Variants in SYT16 observed in about 807,000 individuals in gnomAD.
SYT16 encodes synaptotagmin 16, also known as synaptotagmin-16.
Under a neutral mutation model 61.4 loss-of-function variants are expected in SYT16, and 42 were observed. That is an observed-to-expected ratio of 0.68 (90% confidence interval 0.53 to 0.89). SYT16 has a LOEUF of 0.89. SYT16 is among the 40% of genes least tolerant of loss of function. The probability of loss-of-function intolerance (pLI) is 0.00; values close to 1 mark genes in which losing one functional copy is unlikely to be tolerated. For synonymous variants in SYT16, 314 were observed against 302.3 expected, an observed-to-expected ratio of 1.04 and a Z score of -0.40; for missense variants, 804 against 807.3, an observed-to-expected ratio of 1.00 and a Z score of 0.05.
intron 2 of SYT16, among the ~76,000 whole-genome samples, chr14:61,976,964 C>A (rs1019542317): frequency 1.1e-4 from 17 of 151,900 alleles, no homozygotes; most frequent in African/African-American, 4.1e-4. Flanking sequence ...CAGATAATTT[C>A]TCTCAAGTTC....
At chr14:61,910,721 GTTTCA>G (rs1309621739) in intron 1 of SYT16, among the ~76,000 whole-genome samples, 1 of 151,682 alleles carries the variant, frequency 6.6e-6, no homozygotes, top group Non-Finnish European at 1.5e-5. Context: ...TAGAGACAGG[GTTTCA>G]CTATGTTGGC....
At chr14:62,072,733 G>A (rs7153304) in intron 4 of SYT16, among the ~76,000 whole-genome samples, 76,897 of 152,026 alleles carry the variant, frequency 0.51, 22,376 homozygotes, top group African/African-American at 0.82. Context: ...CCAAGTTGAC[G>A]CATAAAACTT....
intron 3 of SYT16, among the ~76,000 whole-genome samples, chr14:62,008,691 G>A (rs2053323717): frequency 7.4e-6 from 1 of 135,592 alleles, no homozygotes; most frequent in Non-Finnish European, 1.6e-5. Context: ...ACATAATTTT[G>A]CATGTTTTAA....
chr14:61,999,039 T>A (rs957056151), intron 3 of SYT16, among the ~76,000 whole-genome samples: 2 of 151,906 alleles, frequency 1.3e-5, no homozygotes, highest in Non-Finnish European at 2.9e-5. Flanking sequence ...TATTACTGGA[T>A]TTGATTTGTT....
At chr14:61,890,213 C>T (rs557234717) in intron 1 of SYT16, among the ~76,000 whole-genome samples, 1 of 152,228 alleles carries the variant, frequency 6.6e-6, no homozygotes, top group Admixed American at 6.5e-5. Context: ...AGCTTCTGGG[C>T]TGTGGGTAGT....
At chr14:61,825,489 T>C (rs1292498011) in intron 1 of SYT16, among the ~76,000 whole-genome samples, 3 of 152,152 alleles carry the variant, frequency 2.0e-5, no homozygotes, top group Non-Finnish European at 4.4e-5. Flanking sequence ...GAGACCAGCC[T>C]GGGCCACATA....
At chr14:61,929,148 T>G (rs1276797830) in intron 1 of SYT16, among the ~76,000 whole-genome samples, 1 of 152,196 alleles carries the variant, frequency 6.6e-6, no homozygotes, top group Non-Finnish European at 1.5e-5. Flanking sequence ...TCAGGCTGTT[T>G]TGATGTAGTC....
chr14:61,889,170 A>G (rs565765749), intron 1 of SYT16, among the ~76,000 whole-genome samples: 14 of 152,334 alleles, frequency 9.2e-5, no homozygotes, highest in Admixed American at 6.5e-4. Flanking sequence ...TCTGACTCCA[A>G]CAAGGACAAG....
At chr14:61,836,744 C>T (rs544243936) in intron 1 of SYT16, among the ~76,000 whole-genome samples, 30 of 152,246 alleles carry the variant, frequency 2.0e-4, no homozygotes, top group Admixed American at 1.1e-3. Flanking sequence ...ATGAGAGGGC[C>T]GGGGAAACAA....
intron 1 of SYT16, among the ~76,000 whole-genome samples, chr14:61,967,236 A>C (rs1329694406): frequency 6.6e-6 from 1 of 152,206 alleles, no homozygotes; most frequent in Non-Finnish European, 1.5e-5. Flanking sequence ...TTGATGTTGG[A>C]GAATGATGAG....
intron 2 of SYT16, among the ~76,000 whole-genome samples, chr14:61,980,023 C>T (rs545431183): frequency 6.6e-6 from 1 of 152,190 alleles, no homozygotes; most frequent in African/African-American, 2.4e-5. Context: ...CTTCTACATT[C>T]CCCAAGCCCT....
intron 2 of SYT16, among the ~76,000 whole-genome samples, chr14:61,982,044 A>G (rs1488057471): frequency 6.6e-6 from 1 of 152,210 alleles, no homozygotes; most frequent in East Asian, 1.9e-4. Flanking sequence ...TCACTTTACC[A>G]ATGACTGTGT....
intron 1 of SYT16, among the ~76,000 whole-genome samples, chr14:61,859,175 C>T (rs1033495853): frequency 2.6e-5 from 4 of 152,042 alleles, no homozygotes; most frequent in Non-Finnish European, 5.9e-5. Context: ...AAATCATTTT[C>T]TAACAAAGAG....
chr14:61,835,479 CA>C (rs2046098234), intron 1 of SYT16, among the ~76,000 whole-genome samples: 2 of 151,704 alleles, frequency 1.3e-5, no homozygotes, highest in Admixed American at 1.3e-4. Context: ...AGGCTGGTCT[CA>C]AACTCCCGAC....
chr14:61,846,350 G>A (rs2046445590), intron 1 of SYT16, among the ~76,000 whole-genome samples: 1 of 152,090 alleles, frequency 6.6e-6, no homozygotes, highest in South Asian at 2.1e-4. Context: ...AGTGTTGGGT[G>A]CATATGTATT....
At chr14:62,008,763 AATGTT>A in intron 3 of SYT16, among the ~76,000 whole-genome samples, 1 of 151,736 alleles carries the variant, frequency 6.6e-6, no homozygotes, top group African/African-American at 2.4e-5. Context: ...CTTCCTTCTC[AATGTT>A]ATGTTTTTGA....
At chr14:61,842,196 CTT>C (rs773228867) in intron 1 of SYT16, among the ~76,000 whole-genome samples, 46 of 152,270 alleles carry the variant, frequency 3.0e-4, no homozygotes, top group African/African-American at 6.3e-4. Flanking sequence ...TAACTATACT[CTT>C]TTAGTTATTT....
chr14:62,030,297 A>G (rs2054264445), intron 3 of SYT16, among the ~76,000 whole-genome samples: 1 of 152,214 alleles, frequency 6.6e-6, no homozygotes, highest in East Asian at 1.9e-4. Flanking sequence ...GTCCGCTTAT[A>G]TCATCCTGCC....
chr14:61,956,196 A>G (rs1566714424), intron 1 of SYT16, among the ~76,000 whole-genome samples: 1 of 152,036 alleles, frequency 6.6e-6, no homozygotes, highest in East Asian at 1.9e-4. Flanking sequence ...TATTTTTAAT[A>G]TTAATCCTTT....
Sources: allele counts gnomAD v4.1 joint callset (sites outside exome capture counted in the v4.1 genomes callset), GRCh38; gene constraint gnomAD v4.1.1; transcripts MANE v1.5; gene names NCBI Gene and HGNC (gene_info 2026-07-23, HGNC 2026-07-21).